Variants in ANK3 observed in about 807,000 individuals in gnomAD.
The protein encoded by ANK3 is ankyrin 3.
A neutral mutation model predicts 370.9 loss-of-function variants in ANK3; 57 were observed. The observed-to-expected ratio is 0.15, with a 90% CI of 0.12 to 0.19. ANK3 has a LOEUF of 0.19. Among genes scored for constraint, ANK3 ranks in the 10% least tolerant of loss-of-function variants. The pLI, the probability that ANK3 is intolerant of heterozygous loss-of-function variation, is 1.00. For synonymous variants in ANK3, 1,929 were observed against 1,946.3 expected, an observed-to-expected ratio of 0.99 and a Z score of 0.23; for missense variants, 4,439 against 5,302.1, an observed-to-expected ratio of 0.84 and a Z score of 5.06.
intron 1 of ANK3, among the ~76,000 whole-genome samples, chr10:60,299,836 C>T (rs1031822610): frequency 6.6e-6 from 1 of 152,186 alleles, no homozygotes; most frequent in Non-Finnish European, 1.5e-5. Context: ...CATCCTTCAT[C>T]TACCATTTAT....
intron 2 of ANK3, among the ~76,000 whole-genome samples, chr10:60,423,348 G>C (rs1248482190): frequency 6.6e-6 from 1 of 150,892 alleles, no homozygotes; most frequent in African/African-American, 2.4e-5. Context: ...AGCTGCCTCT[G>C]AGTCAAAAAG....
chr10:60,090,372 G>A (rs1343652199), intron 28 of ANK3, among the ~76,000 whole-genome samples: 1 of 152,010 alleles, frequency 6.6e-6, no homozygotes, highest in Non-Finnish European at 1.5e-5. Context: ...TTTCGCTTTA[G>A]TTAGGGGAAA....
chr10:60,401,868 A>G (rs2063358371), intron 2 of ANK3, among the ~76,000 whole-genome samples: 1 of 152,168 alleles, frequency 6.6e-6, no homozygotes, highest in Non-Finnish European at 1.5e-5. Flanking sequence ...AAATTTCTGG[A>G]GGTAGATTTC....
At chr10:60,503,407 C>A (rs189250845) in intron 2 of ANK3, among the ~76,000 whole-genome samples, 1 of 152,284 alleles carries the variant, frequency 6.6e-6, no homozygotes, top group Non-Finnish European at 1.5e-5. Context: ...GATTGTCTCA[C>A]TAAATCCTCA....
chr10:60,377,690 A>G (rs1470825648), intron 1 of ANK3, among the ~76,000 whole-genome samples: 1 of 152,234 alleles, frequency 6.6e-6, no homozygotes, highest in Non-Finnish European at 1.5e-5. Flanking sequence ...TGAATCTTAT[A>G]TGACTGGTGA....
chr10:60,093,390 T>C (rs1420945704), intron 28 of ANK3, among the ~76,000 whole-genome samples: 2 of 152,226 alleles, frequency 1.3e-5, no homozygotes, highest in African/African-American at 2.4e-5. Context: ...AGACAGATCA[T>C]GAAATTACAT....
intron 11 of ANK3, among the ~76,000 whole-genome samples, chr10:60,204,541 G>C (rs909053800): frequency 5.3e-5 from 8 of 152,086 alleles, no homozygotes; most frequent in African/African-American, 1.9e-4. Flanking sequence ...TGTAAATCTA[G>C]GCAAATATTC....
At chr10:60,398,995 T>C (rs1244622216) in intron 2 of ANK3, among the ~76,000 whole-genome samples, 1 of 152,232 alleles carries the variant, frequency 6.6e-6, no homozygotes, top group Non-Finnish European at 1.5e-5. Flanking sequence ...AATTACTTTG[T>C]AGAGCACATA....
rs559714499 is a variant in ANK3 at position 60,647,911 on chromosome 10, G to A, written c.58-32687C>T. 2.7e-4 allele frequency among the ~76,000 whole-genome samples: 41 copies of A among 149,922 alleles called. No individual in the cohort carries two copies. In the South Asian group the frequency reaches 8.3e-3, roughly 30 times the overall value. On this transcript the variant is annotated intron_variant, in intron 1 of 43. Coordinates refer to the ANK3 transcript ENST00000373827. ...TCACCAGGCTGGAGTGCAGTGGCGC[G>A]ATCTTGGCTCACTGCAACCTCTGCC...
chr10:60,127,761 C>T (rs929863190), intron 25 of ANK3, among the ~76,000 whole-genome samples: 3 of 143,526 alleles, frequency 2.1e-5, no homozygotes, highest in Non-Finnish European at 3.0e-5. Context: ...TGCAGTGGTG[C>T]GATCTCGGCT....
intron 2 of ANK3, among the ~76,000 whole-genome samples, chr10:60,460,537 G>A (rs554806620): frequency 1.3e-5 from 2 of 152,190 alleles, no homozygotes; most frequent in East Asian, 1.9e-4. Flanking sequence ...TGAAGGCCCT[G>A]TTCTGATTTC....
rs377309433 is a variant in ANK3 at position 60,069,247 on chromosome 10, C to T, written c.11634G>A (p.Pro3878=). The part of the protein sequence containing the change: ...KATSPKDTFP[P]NHMSNTKASK... Reference sequence around the variant, plus strand: ...TTGCTTTAGTGTTTGACATATGGTTCGGTGGGAAGGTATCTTTTGGTGAAG... The same window carrying T: ...TTGCTTTAGTGTTTGACATATGGTTTGGTGGGAAGGTATCTTTTGGTGAAG... Residue 3878 remains proline, a synonymous_variant, in exon 37 of 44, where the codon CCG becomes CCA. Transcript: ENST00000280772. 6.6e-5 allele frequency: 107 copies of T among 1,614,068 alleles called. No individual in the cohort carries two copies. The East Asian group carries it at 6.7e-4, about 10-fold the overall frequency.
chr10:60,410,490 G>A (rs552187789), intron 2 of ANK3, among the ~76,000 whole-genome samples: 24 of 152,066 alleles, frequency 1.6e-4, no homozygotes, highest in South Asian at 6.2e-4. Flanking sequence ...GAAGAAGGAA[G>A]ACGTAACCAA....
At chr10:60,732,872 G>A (rs900996311) in intron 1 of ANK3, among the ~76,000 whole-genome samples, 1 of 151,880 alleles carries the variant, frequency 6.6e-6, no homozygotes, top group East Asian at 1.9e-4. Flanking sequence ...GGAGTTGGAG[G>A]GGCGAGCCAA....
chr10:60,275,304 T>A (rs1039297100), intron 4 of ANK3, among the ~76,000 whole-genome samples: 1 of 152,188 alleles, frequency 6.6e-6, no homozygotes, highest in African/African-American at 2.4e-5. Context: ...GTGGTGCTAT[T>A]ATAAGCATGC....
At position 60,308,295 on chromosome 10, in the gene ANK3, CTTTTTTT is replaced by C. The variant is rs66593889; in HGVS notation, c.115-28663_115-28657del. 9.5e-4 allele frequency among the ~76,000 whole-genome samples: 80 copies of C among 84,112 alleles called. 1 individual carries two copies. The highest frequency in any genetic ancestry group is 3.4e-3 in the African/African-American group (74 of 21,788). 55.2% of individuals were successfully genotyped at this position (84,112 alleles called of 152,430 possible). ...ACCCTTGACTTTGGAGGGAATCTGG[CTTTTTTT>C]TTTTTTTTTTTTTTTGAGATGGAGT... On this transcript the variant is annotated intron_variant, in intron 1 of 43. Coordinates refer to ENST00000280772, the MANE Select transcript of ANK3 (RefSeq NM_020987.5).
At chr10:60,203,209 C>T (rs541782717) in intron 11 of ANK3, 109 bp from the exon 12 acceptor site, 11 of 688,650 alleles carry the variant, frequency 1.6e-5, no homozygotes, top group South Asian at 3.8e-5. Flanking sequence ...GTTTAATGAT[C>T]GGATTAGAAG....
At chr10:60,260,640 G>T (rs566877554) in intron 7 of ANK3, among the ~76,000 whole-genome samples, 2 of 152,284 alleles carry the variant, frequency 1.3e-5, no homozygotes, top group South Asian at 4.1e-4. Flanking sequence ...CTCATGAATG[G>T]TTTAGCACCA....
intron 1 of ANK3, among the ~76,000 whole-genome samples, chr10:60,358,895 G>A (rs1169042101): frequency 6.6e-6 from 1 of 151,666 alleles, no homozygotes; most frequent in African/African-American, 2.4e-5. Context: ...TAACTCAAAT[G>A]TCATCTCTTC....
Sources: allele counts gnomAD v4.1 joint callset (sites outside exome capture counted in the v4.1 genomes callset), GRCh38; gene constraint gnomAD v4.1.1; transcripts MANE v1.5; gene names NCBI Gene and HGNC (gene_info 2026-07-23, HGNC 2026-07-21).